The following LIG1 variants were observed in gnomAD, a reference collection of about 807,000 sequenced individuals.
The protein encoded by LIG1 is ligase I, DNA, ATP-dependent.
A neutral mutation model predicts 115.7 loss-of-function variants in LIG1; 70 were observed. The observed-to-expected ratio is 0.60, with a 90% CI of 0.50 to 0.74. The LOEUF (loss-of-function observed/expected upper bound fraction) is 0.74, where lower values mean the gene tolerates loss of function less well. Ranked by LOEUF, LIG1 falls within the 30% of genes least tolerant of loss-of-function variation. The pLI, the probability that LIG1 is intolerant of heterozygous loss-of-function variation, is 0.00. For missense variants in LIG1, 1,115 were observed against 1,225.6 expected (o/e 0.91, Z 1.35); for synonymous variants, 487 against 495.3 (o/e 0.98, Z 0.22).
chr19:48,131,013 C>G (rs2033984145), intron 19 of LIG1, 63 bp downstream of exon 19: 6 of 1,352,446 alleles, frequency 4.4e-6, no homozygotes, highest in Non-Finnish European at 6.4e-6. Context: ...CTAGATGGGC[C>G]TCAGGCCTTT....
rs765942111 is a variant in LIG1, at chr19:48,131,127, A to G, written c.1770T>C (p.Asn590=). The change falls in exon 19 of 28, where the codon AAT becomes AAC. Residue 590 remains asparagine (N), a synonymous_variant. Coordinates refer to ENST00000263274, the MANE Select transcript of LIG1 (RefSeq NM_000234.3). ...EGGEVKIFSR[N]QEDNTGKYPD... ...GGTACTTCCCAGTGTTGTCTTCCTGATTCCTGCTGAAGATCTTCACCTCCC... is the reference window on the plus strand; with the variant it reads ...GGTACTTCCCAGTGTTGTCTTCCTGGTTCCTGCTGAAGATCTTCACCTCCC... 2.0e-5 allele frequency: 33 copies of G among 1,614,058 alleles called. No individual in the cohort carries two copies. Among genetic ancestry groups the G allele is most frequent in the Non-Finnish European group, 2.7e-5 (32 of 1,179,988 alleles).
chr19:48,157,156 A>G lies in LIG1; in HGVS notation c.244-16T>C. On this transcript the variant is annotated splice_polypyrimidine_tract_variant and intron_variant, in intron 4 of 27. Transcript: ENST00000263274. ...GGGCAGGCTTCTGGAAGAGGAAAGA[A>G]CAGTTCTAGAGTGAGCGGGGGAAGG... The G allele has an allele frequency of 2.5e-6, 4 of 1,607,840 alleles. No homozygotes were observed. The highest frequency in any genetic ancestry group is 2.7e-5 in the African/African-American group (2 of 74,790).
intron 1 of LIG1, among the ~76,000 whole-genome samples, chr19:48,169,044 G>A (rs1371885623): frequency 6.6e-6 from 1 of 152,150 alleles, no homozygotes; most frequent in Non-Finnish European, 1.5e-5. Context: ...AAAAAGAAAC[G>A]AAGCACTGAT....
rs2122610896 is a variant in LIG1 at position 48,136,075 on chromosome 19, G to A, written c.1382C>T (p.Ala461Val). The change falls in exon 15 of 28, where the codon GCT becomes GTT. Residue 461 changes from alanine to valine, a missense_variant. By Grantham distance (64) the Ala-to-Val change is moderately conservative. Transcript: ENST00000263274. ...RLGLAEQSVLAALSQAVSLTP... is the reference protein window; with the variant it reads ...RLGLAEQSVLVALSQAVSLTP... ...GAGGCTCACTGCCTGGGAGAGGGCAGCCAGCACCGACTGCTCTGCCAGCCC... is the reference window on the plus strand; with the variant it reads ...GAGGCTCACTGCCTGGGAGAGGGCAACCAGCACCGACTGCTCTGCCAGCCC... 2 of 1,573,202 alleles carry A rather than the reference G, an allele frequency of 1.3e-6. No homozygotes were observed. Among genetic ancestry groups the A allele is most frequent in the East Asian group, 4.7e-5 (2 of 42,586 alleles).
Position 48,115,660 on chromosome 19 carries a change from C to A in LIG1, c.2749G>T (p.Asp917Tyr), listed in dbSNP as rs201639894. The A allele has an allele frequency of 2.5e-6, 4 of 1,613,744 alleles. No individual in the cohort carries two copies. The highest frequency in any genetic ancestry group is 1.1e-5 in the South Asian group (1 of 91,072). The change falls in exon 28 of 28, where the codon GAT becomes TAT. Residue 917 changes from aspartate (D) to tyrosine (Y), a missense_variant. Coordinates refer to ENST00000263274, the MANE Select transcript of LIG1 (RefSeq NM_000234.3). ...QGEDSGSDPEDTY is the reference protein window; with the variant it reads ...QGEDSGSDPEYTY The stretch of plus-strand genomic sequence containing the variant: ...AGGAGGGCGAGGGCTTAGTAGGTAT[C>A]TTCAGGGTCAGAGCCTGAGTCCTCG...
chr19:48,130,758 G>A (rs1393120435), intron 19 of LIG1, among the ~76,000 whole-genome samples: 1 of 152,178 alleles, frequency 6.6e-6, no homozygotes, highest in African/African-American at 2.4e-5. Context: ...ATCTGTTTGG[G>A]AAACTCTAAG....
intron 24 of LIG1, chr19:48,120,103 G>A (rs907696856): frequency 2.8e-5 from 24 of 844,458 alleles, no homozygotes; most frequent in Non-Finnish European, 3.1e-5. Context: ...AAACATTTGT[G>A]ATTTATAAAA....
intron 5 of LIG1, chr19:48,154,359 C>T: frequency 3.2e-6 from 1 of 311,410 alleles, no homozygotes; most frequent in Non-Finnish European, 6.4e-6. Context: ...CTGGAAGTGG[C>T]AGGGAATAAA....
At chr19:48,129,369 C>G (rs2033871991) in intron 19 of LIG1, among the ~76,000 whole-genome samples, 1 of 152,156 alleles carries the variant, frequency 6.6e-6, no homozygotes, top group Non-Finnish European at 1.5e-5. Context: ...TACATAGGCT[C>G]ACAGAATGCT....
chr19:48,136,004 G>C (rs975023383), intron 15 of LIG1, 30 bp downstream of exon 15: 18 of 1,518,208 alleles, frequency 1.2e-5, no homozygotes, highest in South Asian at 3.6e-5. Flanking sequence ...ACTCCAGCGA[G>C]GGATGCAGAG....
rs2034453261 is a variant in LIG1, at chr19:48,137,315, G to A, written c.1254+207C>T. On this transcript the variant is annotated intron_variant, in intron 13 of 27. Transcript: ENST00000263274. The surrounding 1 kb of genome is among the most constrained non-coding windows in gnomAD (Gnocchi z 4.3). The stretch of plus-strand genomic sequence containing the variant: ...GGAAGTATTTACTGAGTCCTGTCAT[G>A]TGGCAGCCATGGCATTAGGTCTGCT... 6.6e-6 allele frequency among the ~76,000 whole-genome samples: 1 copy of A among 152,232 alleles called. No individual in the cohort carries two copies. The highest frequency in any genetic ancestry group is 2.4e-5 in the African/African-American group (1 of 41,470).
chr19:48,153,984 C>A lies in LIG1; in HGVS notation c.371-17G>T. On this transcript the variant is annotated splice_polypyrimidine_tract_variant and intron_variant, in intron 5 of 27. Transcript: ENST00000263274. Reference sequence around the variant, plus strand: ...GCTTCCGAGCTGGGGAGGCAAAGGGCTTGGTGTATCTGACCTCGCTGGCTC... The same window carrying A: ...GCTTCCGAGCTGGGGAGGCAAAGGGATTGGTGTATCTGACCTCGCTGGCTC... 1 of 1,609,246 alleles carries A rather than the reference C, an allele frequency of 6.2e-7. No homozygotes were observed. Among genetic ancestry groups the A allele is most frequent in the Non-Finnish European group, 8.5e-7 (1 of 1,175,816 alleles).
intron 3 of LIG1, among the ~76,000 whole-genome samples, chr19:48,161,888 C>G (rs1046968230): frequency 7.3e-6 from 1 of 136,916 alleles, no homozygotes; most frequent in Admixed American, 7.2e-5. Context: ...TGCAGTGGGC[C>G]GAGATCACAC....
At chr19:48,151,686 C>T (rs914241947) in intron 6 of LIG1, among the ~76,000 whole-genome samples, 2 of 152,116 alleles carry the variant, frequency 1.3e-5, no homozygotes, top group Admixed American at 1.3e-4. Context: ...CCGCCTTGGC[C>T]TCCCAAAGTG....
chr19:48,147,581 GAGGAT>G (rs1568526573), intron 9 of LIG1, among the ~76,000 whole-genome samples: 1 of 150,052 alleles, frequency 6.7e-6, no homozygotes, highest in African/African-American at 2.4e-5. Context: ...GCTGAGGTGG[GAGGAT>G]CCCGAGCCCA....
intron 14 of LIG1, 136 bp downstream of exon 14, chr19:48,136,872 G>A: frequency 1.3e-6 from 1 of 755,744 alleles, no homozygotes; most frequent in East Asian, 2.7e-5. Context: ...CTCTTTAGGG[G>A]CTGGGCCTCC....
intron 19 of LIG1, among the ~76,000 whole-genome samples, chr19:48,129,363 T>C (rs181005735): frequency 4.6e-5 from 7 of 152,294 alleles, no homozygotes; most frequent in Admixed American, 3.9e-4. Context: ...GTTTGTTACA[T>C]AGGCTCACAG....
chr19:48,145,109 C>T (rs1054248308), intron 9 of LIG1, among the ~76,000 whole-genome samples: 3 of 152,154 alleles, frequency 2.0e-5, no homozygotes, highest in Non-Finnish European at 4.4e-5. Flanking sequence ...GTGTTGCACA[C>T]GCTGGTGTCT....
In LIG1 at chr19:48,137,095, A is replaced by G. The variant is rs55828048; in HGVS notation, c.1255-11T>C. 32 of 1,609,626 alleles carry G rather than the reference A, an allele frequency of 2.0e-5. No individual in the cohort carries two copies. The highest frequency in any genetic ancestry group is 1.5e-4 in the South Asian group (14 of 90,376). The stretch of plus-strand genomic sequence containing the variant: ...CTTCTTGGCTGTGGACTGGAGAGTC[A>G]GGGGAAGAGCCGTCAGTGCCTGGTG... On this transcript the variant is annotated splice_polypyrimidine_tract_variant and intron_variant, in intron 13 of 27. Transcript: ENST00000263274. The surrounding 1 kb of genome is among the most constrained non-coding windows in gnomAD (Gnocchi z 4.3).
Sources: allele counts gnomAD v4.1 joint callset (sites outside exome capture counted in the v4.1 genomes callset), GRCh38; gene constraint gnomAD v4.1.1; non-coding constraint Gnocchi (gnomAD v3.1); transcripts MANE v1.5; gene names NCBI Gene and HGNC (gene_info 2026-07-23, HGNC 2026-07-21).